Variants in CCDC91 observed in about 807,000 individuals in gnomAD.
CCDC91 encodes the protein coiled-coil domain containing 91, also known as coiled-coil domain-containing protein 91.
In CCDC91, 48 loss-of-function variants were observed where a neutral mutation model predicts 63.2. The observed-to-expected ratio is 0.76, with a 90% confidence interval of 0.60 to 0.97. The LOEUF (loss-of-function observed/expected upper bound fraction) is 0.97, where lower values mean the gene tolerates loss of function less well. CCDC91 is among the 50% of genes least tolerant of loss of function. The probability of loss-of-function intolerance (pLI) is 0.00; values close to 1 mark genes in which losing one functional copy is unlikely to be tolerated. For missense variants in CCDC91, 500 were observed against 494.6 expected (o/e 1.01, Z -0.10); for synonymous variants, 167 against 165.8 (o/e 1.01, Z -0.06).
At chr12:28,403,821 G>A (rs971807988) in intron 8 of CCDC91, among the ~76,000 whole-genome samples, 6 of 152,026 alleles carry the variant, frequency 3.9e-5, no homozygotes, top group East Asian at 3.8e-4. Context: ...ACAGTTGTCC[G>A]TAGTATTCTT....
chr12:28,410,116 G>A (rs1033262512), intron 8 of CCDC91, among the ~76,000 whole-genome samples: 3 of 152,088 alleles, frequency 2.0e-5, no homozygotes, highest in African/African-American at 4.8e-5. Context: ...GTCATTGAGA[G>A]GCAAGTGTTG....
At chr12:28,289,206 T>A (rs908914834) in intron 3 of CCDC91, among the ~76,000 whole-genome samples, 1 of 152,118 alleles carries the variant, frequency 6.6e-6, no homozygotes, top group Non-Finnish European at 1.5e-5. Flanking sequence ...GTTTGGTTAT[T>A]TCTTGTCTTC....
intron 6 of CCDC91, among the ~76,000 whole-genome samples, chr12:28,354,684 T>G (rs1943409858): frequency 6.6e-6 from 1 of 152,202 alleles, no homozygotes; most frequent in South Asian, 2.1e-4. Context: ...TAAAATGTGT[T>G]GAGAAGCTGT....
At chr12:28,511,357 C>T (rs1231667895) in intron 12 of CCDC91, among the ~76,000 whole-genome samples, 2 of 151,902 alleles carry the variant, frequency 1.3e-5, no homozygotes, top group Non-Finnish European at 2.9e-5. Context: ...CAAATGTCAC[C>T]TCTTCAGAAA....
chr12:28,481,991 C>T (rs1322855863), intron 11 of CCDC91, among the ~76,000 whole-genome samples: 1 of 151,870 alleles, frequency 6.6e-6, no homozygotes, highest in African/African-American at 2.4e-5. Flanking sequence ...TTTCTTATGA[C>T]AGTTTTTTAT....
At chr12:28,495,020 A>G (rs573624270) in intron 12 of CCDC91, among the ~76,000 whole-genome samples, 37 of 151,858 alleles carry the variant, frequency 2.4e-4, no homozygotes, top group African/African-American at 8.9e-4. Context: ...ATAAGCATCC[A>G]TTCTGACCAG....
chr12:28,364,790 G>C (rs565953868), intron 7 of CCDC91, among the ~76,000 whole-genome samples: 13 of 152,218 alleles, frequency 8.5e-5, no homozygotes, highest in Non-Finnish European at 1.3e-4. Context: ...TCCACTTCTT[G>C]TTCTGTAATG....
At chr12:28,497,579 A>G (rs1288213697) in intron 12 of CCDC91, among the ~76,000 whole-genome samples, 1 of 151,528 alleles carries the variant, frequency 6.6e-6, no homozygotes, top group African/African-American at 2.4e-5. Context: ...GGATGATTTT[A>G]TGAACATCTG....
intron 3 of CCDC91, chr12:28,302,531 T>A (rs1268908701): frequency 1.2e-5 from 6 of 521,720 alleles, no homozygotes; most frequent in Non-Finnish European, 1.5e-5. Context: ...AAATTGTTAA[T>A]GTTTAAATTT....
chr12:28,527,787 G>T (rs190037415), intron 12 of CCDC91, among the ~76,000 whole-genome samples: 36 of 152,302 alleles, frequency 2.4e-4, no homozygotes, highest in South Asian at 1.9e-3. Flanking sequence ...TGCTGTGGGA[G>T]ATGGGGGTGA....
intron 8 of CCDC91, among the ~76,000 whole-genome samples, chr12:28,397,517 G>T (rs971458478): frequency 1.3e-5 from 2 of 152,154 alleles, no homozygotes; most frequent in African/African-American, 2.4e-5. Context: ...AAAATTGATG[G>T]AGTGGAGTCC....
intron 1 of CCDC91, among the ~76,000 whole-genome samples, chr12:28,206,863 G>T (rs562440402): frequency 6.6e-6 from 1 of 152,112 alleles, no homozygotes; most frequent in South Asian, 2.1e-4. Flanking sequence ...ATTCCAAACC[G>T]TGGAAAAAGG....
intron 1 of CCDC91, among the ~76,000 whole-genome samples, chr12:28,203,461 A>T (rs554509809): frequency 1.3e-5 from 2 of 152,220 alleles, no homozygotes; most frequent in South Asian, 4.2e-4. Flanking sequence ...CTTCATGTTT[A>T]TCATCTGTGG....
chr12:28,454,530 C>G (rs1436136066), intron 11 of CCDC91, among the ~76,000 whole-genome samples: 1 of 152,134 alleles, frequency 6.6e-6, no homozygotes, highest in East Asian at 1.9e-4. Flanking sequence ...AGGCTGCAGT[C>G]TGAGGTTTTT....
intron 7 of CCDC91, among the ~76,000 whole-genome samples, chr12:28,382,579 G>C (rs190743307): frequency 4.6e-5 from 7 of 152,188 alleles, no homozygotes; most frequent in African/African-American, 1.7e-4. Context: ...GAGAAACATG[G>C]TGCCTTGATG....
At chr12:28,303,309 G>A (rs1372997151) in intron 3 of CCDC91, among the ~76,000 whole-genome samples, 1 of 152,010 alleles carries the variant, frequency 6.6e-6, no homozygotes, top group Non-Finnish European at 1.5e-5. Flanking sequence ...GCTAGTATGT[G>A]ATTCAGAGTA....
intron 3 of CCDC91, among the ~76,000 whole-genome samples, chr12:28,278,580 C>T (rs1211063643): frequency 1.3e-5 from 2 of 152,068 alleles, no homozygotes; most frequent in Non-Finnish European, 2.9e-5. Context: ...CTGTATAAGT[C>T]TTTCTCAAGT....
intron 12 of CCDC91, among the ~76,000 whole-genome samples, chr12:28,547,829 A>G (rs1943092073): frequency 6.6e-6 from 1 of 152,132 alleles, no homozygotes; most frequent in Non-Finnish European, 1.5e-5. Flanking sequence ...AGCCATTTTG[A>G]GTATAGTAGA....
chr12:28,385,880 T>C (rs1945565868), intron 7 of CCDC91, among the ~76,000 whole-genome samples: 1 of 152,158 alleles, frequency 6.6e-6, no homozygotes, highest in Non-Finnish European at 1.5e-5. Flanking sequence ...AATTCCAGCA[T>C]GCAATCAGTT....
Sources: gnomAD v4.1 joint callset for allele counts (sites outside exome capture counted in the v4.1 genomes callset) on GRCh38, gnomAD v4.1.1 for gene constraint, MANE v1.5 for transcripts, NCBI Gene and HGNC (gene_info 2026-07-23, HGNC 2026-07-21) for gene names.